The following TRAF3 variants were observed in gnomAD, a reference collection of about 807,000 sequenced individuals.
The protein encoded by TRAF3 is TNF receptor-associated factor 3.
A neutral mutation model predicts 62.3 loss-of-function variants in TRAF3; 13 were observed. That is an observed-to-expected ratio of 0.21 (90% CI 0.14 to 0.33). TRAF3 has a LOEUF of 0.33. TRAF3 is among the 10% of genes least tolerant of loss of function. TRAF3 has a pLI of 1.00. For missense variants in TRAF3, 440 were observed against 741.8 expected (o/e 0.59, Z 4.73); for synonymous variants, 269 against 283.4 (o/e 0.95, Z 0.51).
chr14:102,903,534 G>T lies in TRAF3; in HGVS notation c.1135+105G>T. On this transcript the variant is annotated intron_variant, in intron 11 of 11. Transcript: ENST00000392745. The surrounding 1 kb of genome is among the most constrained non-coding windows in gnomAD (Gnocchi z 6.4). Reference sequence around the variant, plus strand: ...GGCTATGTTAGGTACATGTGCCTTAGGACAGTTTTTTCTAATTATGGGTAA... The same window carrying T: ...GGCTATGTTAGGTACATGTGCCTTATGACAGTTTTTTCTAATTATGGGTAA... 1 of 1,518,742 alleles carries T rather than the reference G, an allele frequency of 6.6e-7. No individual in the cohort carries two copies. Among genetic ancestry groups the T allele is most frequent in the South Asian group, 1.2e-5 (1 of 86,216 alleles). The allele number at this position is 1,518,742 out of a possible 1,614,324, so 94.1% of individuals were successfully genotyped here.
chr14:102,811,677 G>A (rs66552230), intron 1 of TRAF3, among the ~76,000 whole-genome samples: 76,443 of 149,534 alleles, frequency 0.51, 22,252 homozygotes, highest in South Asian at 0.74. Context: ...CAGTTTGATC[G>A]GAAGTTGCTA....
intron 6 of TRAF3, among the ~76,000 whole-genome samples, chr14:102,883,156 C>T (rs775550956): frequency 7.9e-5 from 12 of 152,096 alleles, no homozygotes; most frequent in South Asian, 2.1e-4. Flanking sequence ...TGACCAGAGC[C>T]GCAGAAATCT....
chr14:102,893,713 A>C (rs1406456322), intron 9 of TRAF3, among the ~76,000 whole-genome samples: 1 of 152,212 alleles, frequency 6.6e-6, no homozygotes. Context: ...GGAAGCCCCG[A>C]GAGTGCAGGA....
chr14:102,859,908 A>G (rs1887585042), intron 2 of TRAF3, among the ~76,000 whole-genome samples: 1 of 152,218 alleles, frequency 6.6e-6, no homozygotes, highest in Non-Finnish European at 1.5e-5. Flanking sequence ...CACAATTGGA[A>G]GGCAAGACAG....
At chr14:102,892,068 T>TTC (rs1040192451) in intron 9 of TRAF3, among the ~76,000 whole-genome samples, 3 of 144,324 alleles carry the variant, frequency 2.1e-5, no homozygotes, top group African/African-American at 8.3e-5. Flanking sequence ...TTTTTTTTTT[T>TTC]CCCCAAGACG....
At chr14:102,828,478 G>T (rs1900461422) in intron 1 of TRAF3, among the ~76,000 whole-genome samples, 1 of 152,210 alleles carries the variant, frequency 6.6e-6, no homozygotes, top group African/African-American at 2.4e-5. Flanking sequence ...TCCTGCAGCA[G>T]CTCTGTCAAC....
At chr14:102,778,331 G>T (rs1055166870) in intron 1 of TRAF3, among the ~76,000 whole-genome samples, 1 of 151,918 alleles carries the variant, frequency 6.6e-6, no homozygotes, top group East Asian at 1.9e-4. Flanking sequence ...CGGGCTGGCC[G>T]GTTCCACGCC....
At chr14:102,881,338 T>A (rs1433220536) in intron 6 of TRAF3, among the ~76,000 whole-genome samples, 2 of 151,046 alleles carry the variant, frequency 1.3e-5, no homozygotes, top group Non-Finnish European at 2.9e-5. Context: ...GAGCCAAGAT[T>A]GTGCCACTGC....
intron 1 of TRAF3, among the ~76,000 whole-genome samples, chr14:102,784,570 T>G (rs1897406703): frequency 6.6e-6 from 1 of 152,204 alleles, no homozygotes; most frequent in Non-Finnish European, 1.5e-5. Context: ...AATTATTGAA[T>G]CACCCACACT....
At chr14:102,852,996 C>T (rs1288284191) in intron 2 of TRAF3, among the ~76,000 whole-genome samples, 4 of 152,078 alleles carry the variant, frequency 2.6e-5, no homozygotes, top group Admixed American at 2.6e-4. Context: ...TGGGTTCAAA[C>T]GATTCTCATA....
At chr14:102,873,791 T>C (rs1888484072) in intron 4 of TRAF3, among the ~76,000 whole-genome samples, 2 of 152,164 alleles carry the variant, frequency 1.3e-5, no homozygotes, top group Admixed American at 1.3e-4. Flanking sequence ...TTATGAAAGA[T>C]AAGCTTTGGC....
chr14:102,883,861 C>T (rs1004595180), intron 6 of TRAF3, among the ~76,000 whole-genome samples: 5 of 152,170 alleles, frequency 3.3e-5, no homozygotes, highest in African/African-American at 9.7e-5. Context: ...GCTGGGCTTC[C>T]GCACCCGGCC....
Position 102,823,004 on chromosome 14 carries a change from C to CT in TRAF3, c.-156-7329dup, listed in dbSNP as rs1276681168. Reference sequence around the variant, plus strand: ...CTAGGCAACAAGAGTGAAACTCCATCTCAAAAAAAAAAAAAAGAAACACAT... The same window carrying CT: ...CTAGGCAACAAGAGTGAAACTCCATCTTCAAAAAAAAAAAAAAGAAACACAT... On this transcript the variant is annotated intron_variant, in intron 1 of 11. Coordinates refer to ENST00000392745, the MANE Select transcript of TRAF3 (RefSeq NM_145725.3). Among the ~76,000 whole-genome samples, 766 of 138,756 alleles carry CT rather than the reference C, an allele frequency of 5.5e-3. 5 individuals carry two copies. The highest frequency in any genetic ancestry group is 0.011 in the Admixed American group (148 of 13,312). The allele number at this position is 138,756 out of a possible 152,430, so 91.0% of individuals were successfully genotyped here.
intron 1 of TRAF3, among the ~76,000 whole-genome samples, chr14:102,799,157 A>C (rs1898253702): frequency 6.6e-6 from 1 of 151,948 alleles, no homozygotes; most frequent in African/African-American, 2.4e-5. Flanking sequence ...CAGAATTAAG[A>C]GTCTGGTGGC....
At chr14:102,899,610 C>T (rs1439850373) in intron 10 of TRAF3, among the ~76,000 whole-genome samples, 1 of 152,200 alleles carries the variant, frequency 6.6e-6, no homozygotes, top group Non-Finnish European at 1.5e-5. Context: ...CAGCTCCAGG[C>T]ACTCCTCCAG....
At chr14:102,801,139 C>G (rs1898387014) in intron 1 of TRAF3, among the ~76,000 whole-genome samples, 1 of 152,210 alleles carries the variant, frequency 6.6e-6, no homozygotes, top group Admixed American at 6.5e-5. Context: ...GCACTCCCGC[C>G]TGGGCGACAG....
intron 9 of TRAF3, 59 bp from the exon 10 acceptor site, chr14:102,897,202 G>A (rs1020280716): frequency 2.9e-5 from 43 of 1,484,670 alleles, no homozygotes; most frequent in Admixed American, 9.1e-5. Context: ...AATTGATATT[G>A]TTGTTAATTA....
chr14:102,860,209 A>T (rs1185779266), intron 2 of TRAF3, among the ~76,000 whole-genome samples: 2 of 152,194 alleles, frequency 1.3e-5, no homozygotes, highest in Non-Finnish European at 2.9e-5. Context: ...AAAAGTATTA[A>T]ATGTATTTCC....
At chr14:102,890,883 G>T (rs956189910) in intron 8 of TRAF3, among the ~76,000 whole-genome samples, 1 of 152,136 alleles carries the variant, frequency 6.6e-6, no homozygotes, top group East Asian at 1.9e-4. Context: ...CTTTGCTTAC[G>T]TGTTTACTAG....
Sources: gnomAD v4.1 joint callset for allele counts (sites outside exome capture counted in the v4.1 genomes callset) on GRCh38, gnomAD v4.1.1 for gene constraint, Gnocchi (gnomAD v3.1) non-coding constraint, MANE v1.5 for transcripts, NCBI Gene and HGNC (gene_info 2026-07-23, HGNC 2026-07-21) for gene names.